The following GLIS3 variants were observed in gnomAD, a reference collection of about 807,000 sequenced individuals.
GLIS3 encodes the protein zinc finger protein GLIS3.
GLIS3 carries 53 observed loss-of-function variants against 78.6 expected under a neutral mutation model. The observed-to-expected ratio is 0.67, with a 90% CI of 0.54 to 0.85. The LOEUF (loss-of-function observed/expected upper bound fraction) is 0.85, where lower values mean the gene tolerates loss of function less well. Among genes scored for constraint, GLIS3 ranks in the 40% least tolerant of loss-of-function variants. The pLI is 0.00. For synonymous variants in GLIS3, 684 were observed against 509.9 expected (o/e 1.34, Z -4.60); for missense variants, 1,703 against 1,231.1 (o/e 1.38, Z -5.74).
chr9:4,118,312 G>A lies in GLIS3; in HGVS notation c.1166C>T (p.Ala389Val), dbSNP rs1196603595. 2 of 1,575,016 alleles carry A rather than the reference G, an allele frequency of 1.3e-6. No individual in the cohort carries two copies. The highest frequency in any genetic ancestry group is 1.8e-5 in the Admixed American group (1 of 55,030). Residue 389 changes from alanine (A) to valine (V), a missense_variant, in exon 4 of 11, where the codon GCC (alanine) becomes GTC (valine). Ala to Val is a moderately conservative substitution (Grantham distance 64). Coordinates refer to ENST00000381971, the MANE Select transcript of GLIS3 (RefSeq NM_001042413.2). The surrounding 1 kb of genome is among the most constrained non-coding windows in gnomAD (Gnocchi z 4.7). ...CTGTTGCATGCGCTCGTGCTCCAGG[G>A]CCCCGTCCTCGCCGTAGGCCGGCAG... ...LALPAYGEDG[A>V]LEHERMQQLE...
intron 4 of GLIS3, among the ~76,000 whole-genome samples, chr9:4,070,452 A>T (rs1387823731): frequency 2.0e-5 from 3 of 152,134 alleles, no homozygotes; most frequent in Admixed American, 2.0e-4. Flanking sequence ...CTGTGACCAA[A>T]AAGTCTCCAC....
intron 2 of GLIS3, among the ~76,000 whole-genome samples, chr9:4,316,610 G>C (rs1044856438): frequency 2.6e-5 from 4 of 152,146 alleles, no homozygotes; most frequent in African/African-American, 4.8e-5. Context: ...CATGCTAGGT[G>C]AATCAGCATG....
intron 2 of GLIS3, among the ~76,000 whole-genome samples, chr9:4,205,323 C>T (rs899062976): frequency 3.3e-5 from 5 of 152,312 alleles, no homozygotes; most frequent in South Asian, 2.1e-4. Context: ...TCTGGATTTA[C>T]AGCTCCAAGG....
At chr9:3,988,157 T>C (rs1171870248) in intron 4 of GLIS3, among the ~76,000 whole-genome samples, 1 of 152,028 alleles carries the variant, frequency 6.6e-6, no homozygotes, top group Non-Finnish European at 1.5e-5. Flanking sequence ...ACTTGTCAAC[T>C]GTGAAGTTTA....
chr9:4,337,341 A>C (rs966417527), intron 2 of GLIS3, among the ~76,000 whole-genome samples: 1 of 152,232 alleles, frequency 6.6e-6, no homozygotes, highest in Non-Finnish European at 1.5e-5. Flanking sequence ...TAGTTAATTA[A>C]ATACAGCCAT....
At chr9:4,069,237 C>A (rs1827379927) in intron 4 of GLIS3, among the ~76,000 whole-genome samples, 1 of 152,160 alleles carries the variant, frequency 6.6e-6, no homozygotes, top group South Asian at 2.1e-4. Flanking sequence ...GCTACTTTGT[C>A]TTCCAGATTT....
upstream of GLIS3, among the ~76,000 whole-genome samples, chr9:4,301,985 T>A (rs60060130): frequency 8.6e-5 from 13 of 150,618 alleles, no homozygotes; most frequent in African/African-American, 3.2e-4. Context: ...TTTGGTTGAA[T>A]TTTTTTCTTT....
chr9:3,876,018 A>G (rs927339092), intron 8 of GLIS3, among the ~76,000 whole-genome samples: 1 of 152,180 alleles, frequency 6.6e-6, no homozygotes, highest in African/African-American at 2.4e-5. Flanking sequence ...GGCCTGTTTC[A>G]TGCCATGTAA....
the GLIS3 span, among the ~76,000 whole-genome samples, chr9:4,417,020 C>T: frequency 0.028 from 4,231 of 152,050 alleles, 198 homozygotes; most frequent in African/African-American, 0.098. Flanking sequence ...CTTTGTTGGG[C>T]TTAATTCCTT....
At chr9:4,416,531 A>G in the GLIS3 span, among the ~76,000 whole-genome samples, 1 of 152,078 alleles carries the variant, frequency 6.6e-6, no homozygotes, top group Non-Finnish European at 1.5e-5. Context: ...AATATGAACT[A>G]TATTTTTTAT....
At chr9:4,109,619 C>T (rs978703563) in intron 4 of GLIS3, among the ~76,000 whole-genome samples, 1 of 152,166 alleles carries the variant, frequency 6.6e-6, no homozygotes, top group Admixed American at 6.5e-5. Context: ...ACAGTGCTTG[C>T]TACCTCAGTG....
chr9:4,391,571 G>T, the GLIS3 span, among the ~76,000 whole-genome samples: 2 of 152,042 alleles, frequency 1.3e-5, no homozygotes, highest in South Asian at 2.1e-4. Context: ...GTGTGTGTGT[G>T]TGTGTGTTGG....
chr9:3,856,982 G>T (rs957564954), intron 8 of GLIS3, among the ~76,000 whole-genome samples: 1 of 152,232 alleles, frequency 6.6e-6, no homozygotes, highest in African/African-American at 2.4e-5. Context: ...AAATTGGAAA[G>T]ACCTGACTCA....
rs1485002019 is a variant in GLIS3, at chr9:3,828,349, C to T, written c.2716G>A (p.Glu906Lys). 2 of 1,614,018 alleles carry T rather than the reference C, an allele frequency of 1.2e-6. No individual in the cohort carries two copies. The highest frequency in any genetic ancestry group is 1.3e-5 in the African/African-American group (1 of 75,054). ...CTGATCTGCAAGAAGGTAGCATCTTCAGCCCCGCTGCGGAGAGACTCCCCA... is the reference window on the plus strand; with the variant it reads ...CTGATCTGCAAGAAGGTAGCATCTTTAGCCCCGCTGCGGAGAGACTCCCCA... The part of the protein sequence containing the change: ...LFGESLRSGA[E>K]DATFLQISTV... The change falls in exon 11 of 11, where the codon GAA (glutamate) becomes AAA (lysine). Residue 906 changes from glutamate to lysine, a missense_variant. By Grantham distance (56) the Glu-to-Lys change is moderately conservative. Coordinates refer to ENST00000381971, the MANE Select transcript of GLIS3 (RefSeq NM_001042413.2).
At position 4,259,585 on chromosome 9, in the gene GLIS3, G is replaced by A. The variant is rs1047723010; in HGVS notation, c.388+26453C>T. Among the ~76,000 whole-genome samples the A allele has an allele frequency of 2.0e-5, 3 of 152,138 alleles. No individual in the cohort carries two copies. The South Asian group carries it at 6.2e-4, about 31-fold the overall frequency. ...CCATAATCCTATCCCTTCGTCCTCAGGGCAAACTGAGACCAAAGTTAAATG... is the reference window on the plus strand; with the variant it reads ...CCATAATCCTATCCCTTCGTCCTCAAGGCAAACTGAGACCAAAGTTAAATG... On this transcript the variant is annotated intron_variant, in intron 2 of 10. Transcript: ENST00000381971.
chr9:4,046,264 ACATTTTCAT>A lies in GLIS3; in HGVS notation c.1710+71495_1710+71503del, dbSNP rs144203709. ...CTCTATTCTTGACCTGCCCAGTTGA[ACATTTTCAT>A]CATGCACCTATGTGAAGACAGTAAA... is the stretch of plus-strand genomic sequence containing the variant. On this transcript the variant is annotated intron_variant, in intron 4 of 10. Transcript: ENST00000381971. Among the ~76,000 whole-genome samples the A allele has an allele frequency of 2.5e-4, 38 of 152,332 alleles. No individual in the cohort carries two copies. In the East Asian group the frequency reaches 6.9e-3, roughly 28 times the overall value.
intron 2 of GLIS3, among the ~76,000 whole-genome samples, chr9:4,346,149 G>T (rs1165798946): frequency 6.6e-6 from 1 of 152,156 alleles, no homozygotes; most frequent in Non-Finnish European, 1.5e-5. Context: ...TTATGTACTT[G>T]CCTGTAAAGG....
At chr9:4,417,590 C>G in the GLIS3 span, among the ~76,000 whole-genome samples, 1 of 152,182 alleles carries the variant, frequency 6.6e-6, no homozygotes, top group Non-Finnish European at 1.5e-5. Flanking sequence ...CATTCCTATA[C>G]ATGCAATTTG....
the GLIS3 span, among the ~76,000 whole-genome samples, chr9:4,458,858 A>T: frequency 6.6e-6 from 1 of 152,210 alleles, no homozygotes; most frequent in Admixed American, 6.5e-5. Flanking sequence ...AACAGCAAAT[A>T]CAAAGACTCT....
Sources: gnomAD v4.1 joint callset for allele counts (sites outside exome capture counted in the v4.1 genomes callset) on GRCh38, gnomAD v4.1.1 for gene constraint, Gnocchi (gnomAD v3.1) non-coding constraint, MANE v1.5 for transcripts, NCBI Gene and HGNC (gene_info 2026-07-23, HGNC 2026-07-21) for gene names.